TRIO: variants seen among roughly 807,000 people sequenced by gnomAD.
TRIO encodes the protein trio Rho guanine nucleotide exchange factor, also known as triple functional domain protein.
In TRIO, 58 loss-of-function variants were observed where a neutral mutation model predicts 351.9. The observed-to-expected ratio is 0.16, with a 90% CI of 0.13 to 0.21. The LOEUF (loss-of-function observed/expected upper bound fraction) is 0.21. TRIO is among the 10% of genes least tolerant of loss of function. The probability of loss-of-function intolerance (pLI) is 1.00; values close to 1 mark genes in which losing one functional copy is unlikely to be tolerated. For missense variants in TRIO, 3,201 were observed against 4,027.8 expected (o/e 0.79, Z 5.56); for synonymous variants, 1,758 against 1,595.7 (o/e 1.10, Z -2.42).
intron 49 of TRIO, among the ~76,000 whole-genome samples, chr5:14,495,658 G>GAAA (rs56018324): frequency 0.06 from 1,965 of 32,544 alleles, 494 homozygotes; most frequent in African/African-American, 0.098. Context: ...GTCTCTACTA[G>GAAA]AAAAAAAAAA....
chr5:14,501,080 A>G (rs1561567384), intron 53 of TRIO, among the ~76,000 whole-genome samples: 2 of 142,862 alleles, frequency 1.4e-5, no homozygotes, highest in Admixed American at 6.9e-5. Context: ...TAAAAAAAAG[A>G]AAAAAAAAAC....
intron 1 of TRIO, among the ~76,000 whole-genome samples, chr5:14,259,637 G>T (rs1462075448): frequency 6.6e-6 from 1 of 152,194 alleles, no homozygotes; most frequent in Non-Finnish European, 1.5e-5. Context: ...TCCTGAGACA[G>T]TTGGACAGGT....
intron 54 of TRIO, among the ~76,000 whole-genome samples, chr5:14,504,019 G>A (rs553674463): frequency 1.3e-5 from 2 of 152,362 alleles, no homozygotes; most frequent in South Asian, 2.1e-4. Context: ...GGGAAAGGTG[G>A]CTGACGGGAG....
intron 1 of TRIO, among the ~76,000 whole-genome samples, chr5:14,157,607 C>T (rs991080243): frequency 6.6e-6 from 1 of 151,646 alleles, no homozygotes; most frequent in African/African-American, 2.4e-5. Flanking sequence ...CTCTTTCTTT[C>T]GAGACAGGGT....
At chr5:14,432,764 A>T (rs952464755) in intron 34 of TRIO, among the ~76,000 whole-genome samples, 1 of 152,250 alleles carries the variant, frequency 6.6e-6, no homozygotes, top group Non-Finnish European at 1.5e-5. Flanking sequence ...TGCATCCAGG[A>T]GTAAAAGATT....
chr5:14,406,337 A>G, intron 32 of TRIO: 2 of 568,296 alleles, frequency 3.5e-6, no homozygotes, highest in Non-Finnish European at 6.3e-6. Flanking sequence ...GGCAACGATC[A>G]TATCAACTAT....
intron 34 of TRIO, among the ~76,000 whole-genome samples, chr5:14,454,340 C>T (rs1753080093): frequency 6.6e-6 from 1 of 152,178 alleles, no homozygotes; most frequent in Non-Finnish European, 1.5e-5. Context: ...ACTCTGCCTT[C>T]TGAGACAGCA....
intron 1 of TRIO, among the ~76,000 whole-genome samples, chr5:14,203,980 T>G (rs956161696): frequency 6.6e-6 from 1 of 152,232 alleles, no homozygotes; most frequent in African/African-American, 2.4e-5. Context: ...CCTGGTACTT[T>G]TAAGTAAAGC....
At chr5:14,366,371 A>G (rs1468119892) in intron 15 of TRIO, among the ~76,000 whole-genome samples, 15 of 152,194 alleles carry the variant, frequency 9.9e-5, no homozygotes, top group Admixed American at 2.0e-4. Flanking sequence ...TTGTAGCACA[A>G]TGTTATTCAT....
At position 14,403,448 on chromosome 5, in the gene TRIO, TAGGTTGTGGTGAGGGTGC is replaced by T. The variant is rs1561448002; in HGVS notation, c.4717-2377_4717-2360del. The stretch of plus-strand genomic sequence containing the variant: ...GAGGGTGTAGGTTGTGGTGAGGGTG[TAGGTTGTGGTGAGGGTGC>T]AGGTTGTGGTGAGGGTGCAGGTGGT... On this transcript the variant is annotated intron_variant, in intron 31 of 56. Coordinates refer to ENST00000344204, the MANE Select transcript of TRIO (RefSeq NM_007118.4). Among the ~76,000 whole-genome samples, 15 of 46,532 alleles carry T rather than the reference TAGGTTGTGGTGAGGGTGC, an allele frequency of 3.2e-4. 1 individual carries two copies. The highest frequency in any genetic ancestry group is 4.5e-4 in the African/African-American group (5 of 11,072). The allele number at this position is 46,532 out of a possible 152,430, so 30.5% of individuals were successfully genotyped here.
rs745922335 is a variant in TRIO at position 14,508,402 on chromosome 5, A to G, written c.9274A>G (p.Arg3092Gly). 1.2e-6 allele frequency: 2 copies of G among 1,610,420 alleles called. No homozygotes were observed. The highest frequency in any genetic ancestry group is 1.7e-6 in the Non-Finnish European group (2 of 1,177,370). The change falls in exon 57 of 57, where the codon AGG (arginine) becomes GGG (glycine). Residue 3092 changes from arginine to glycine, a missense_variant. Physicochemically the swap from Arg to Gly is moderately radical, Grantham distance 125. This residue lies in a region of TRIO where 233 missense variants were observed against 292.6 expected (regional missense o/e 0.80). Transcript: ENST00000344204. ...IRSIKNFLQS[R>G]LLPRV Reference sequence around the variant, plus strand: ...TAGCATTAAAAACTTTCTGCAGAGCAGGCTTCTGCCTAGAGTTTGACCTAT... The same window carrying G: ...TAGCATTAAAAACTTTCTGCAGAGCGGGCTTCTGCCTAGAGTTTGACCTAT...
At chr5:14,482,246 T>G (rs895602600) in intron 45 of TRIO, among the ~76,000 whole-genome samples, 46 of 152,116 alleles carry the variant, frequency 3.0e-4, no homozygotes, top group African/African-American at 9.9e-4. Context: ...TTCTGAAAAC[T>G]CCTGTGCATG....
intron 6 of TRIO, among the ~76,000 whole-genome samples, chr5:14,293,812 A>C (rs959972360): frequency 6.6e-6 from 1 of 152,130 alleles, no homozygotes; most frequent in Non-Finnish European, 1.5e-5. Flanking sequence ...TGTTACTAAA[A>C]CTGTATGTTC....
chr5:14,232,044 A>G (rs750845893), intron 1 of TRIO, among the ~76,000 whole-genome samples: 9 of 152,182 alleles, frequency 5.9e-5, no homozygotes, highest in Non-Finnish European at 8.8e-5. Flanking sequence ...TGATAAAAGC[A>G]TACTATGTTA....
chr5:14,308,606 TCATTCATC>T (rs1301160236), intron 8 of TRIO, among the ~76,000 whole-genome samples: 2 of 146,946 alleles, frequency 1.4e-5, no homozygotes, highest in Admixed American at 1.4e-4. Context: ...ATTGATGCGT[TCATTCATC>T]CATTCATCCA....
chr5:14,407,092 A>G (rs1748792796), intron 33 of TRIO, among the ~76,000 whole-genome samples: 1 of 152,170 alleles, frequency 6.6e-6, no homozygotes, highest in Non-Finnish European at 1.5e-5. Flanking sequence ...AGATGGAAAT[A>G]AAGAGTGTTG....
At chr5:14,358,577 C>G (rs1180242434) in intron 12 of TRIO, among the ~76,000 whole-genome samples, 1 of 152,176 alleles carries the variant, frequency 6.6e-6, no homozygotes, top group Non-Finnish European at 1.5e-5. Context: ...TTCATTATAA[C>G]ATCGACTAAT....
chr5:14,505,742 A>T (rs916771961), intron 55 of TRIO, among the ~76,000 whole-genome samples: 1 of 152,176 alleles, frequency 6.6e-6, no homozygotes, highest in Non-Finnish European at 1.5e-5. Flanking sequence ...GCCATGGGTG[A>T]CAGTGGGTGT....
chr5:14,350,220 G>A (rs965284952), intron 11 of TRIO, among the ~76,000 whole-genome samples: 8 of 152,326 alleles, frequency 5.3e-5, no homozygotes, highest in Admixed American at 3.3e-4. Flanking sequence ...GGCACGATCT[G>A]CAGGTATTTG....
Sources: allele counts gnomAD v4.1 joint callset (sites outside exome capture counted in the v4.1 genomes callset), GRCh38; gene constraint gnomAD v4.1.1; regional missense constraint gnomAD v4.1.1; transcripts MANE v1.5; gene names NCBI Gene and HGNC (gene_info 2026-07-23, HGNC 2026-07-21).